The following ARHGEF10L variants were observed in gnomAD, a reference collection of about 807,000 sequenced individuals.
The protein encoded by ARHGEF10L is rho guanine nucleotide exchange factor 10-like protein.
Under a neutral mutation model 141.2 loss-of-function variants are expected in ARHGEF10L, and 69 were observed. That is an observed-to-expected ratio of 0.49 (90% CI 0.40 to 0.60). The LOEUF is 0.60. ARHGEF10L is among the 20% of genes least tolerant of loss of function. The probability of loss-of-function intolerance (pLI) is 0.00; values close to 1 mark genes in which losing one functional copy is unlikely to be tolerated. For synonymous variants in ARHGEF10L, 711 were observed against 718.5 expected, an observed-to-expected ratio of 0.99 and a Z score of 0.17; for missense variants, 1,482 against 1,734.3, an observed-to-expected ratio of 0.85 and a Z score of 2.58.
intron 26 of ARHGEF10L, among the ~76,000 whole-genome samples, chr1:17,676,498 A>G (rs1331462392): frequency 6.6e-6 from 1 of 151,948 alleles, no homozygotes; most frequent in African/African-American, 2.4e-5. Flanking sequence ...CCACCATTCA[A>G]TATCATGCAG....
chr1:17,607,960 G>A lies in ARHGEF10L; in HGVS notation c.592G>A (p.Val198Met). The A allele has an allele frequency of 1.4e-6, 2 of 1,475,142 alleles. No individual in the cohort carries two copies. 91.4% of individuals were successfully genotyped at this position (1,475,142 alleles called of 1,614,324 possible). Residue 198 changes from valine (V) to methionine (M), a missense_variant, in exon 7 of 29, where the codon GTG becomes ATG. Physicochemically the swap from Val to Met is conservative, Grantham distance 21 (BLOSUM62 1). Around this residue, in one of 3 missense-constraint regions of ARHGEF10L, gnomAD observed 392 missense variants for 542.1 expected, o/e 0.72. Transcript: ENST00000361221. This position sits in a 1 kb window ranked among gnomAD's most constrained non-coding sequence, Gnocchi z 4.5. ...EVEVEPAKHR[V>M]SFQPKLSPDL... ...CGAGGTCGAGCCCGCCAAGCACCGA[G>A]TGTCCTTCCAGCCCAAGGTGAGGGG...
intron 26 of ARHGEF10L, among the ~76,000 whole-genome samples, chr1:17,666,833 C>G (rs796803617): frequency 8.1e-6 from 1 of 124,172 alleles, no homozygotes; most frequent in Non-Finnish European, 1.7e-5. Context: ...CCCTGGTTCA[C>G]GCTGGGGGCT....
At chr1:17,590,973 C>A (rs997775885) in intron 4 of ARHGEF10L, among the ~76,000 whole-genome samples, 1 of 152,122 alleles carries the variant, frequency 6.6e-6, no homozygotes, top group African/African-American at 2.4e-5. Context: ...TGTGACAAAG[C>A]GATACTCTGT....
chr1:17,638,091 C>T, intron 19 of ARHGEF10L, 88 bp downstream of exon 19: 2 of 1,212,048 alleles, frequency 1.7e-6, no homozygotes, highest in Non-Finnish European at 2.3e-6. Context: ...AGGGGCTCCT[C>T]TCCTGGCCCA....
In ARHGEF10L at chr1:17,621,939, C is replaced by G. The variant is rs983366607; in HGVS notation, c.1018C>G (p.Gln340Glu). The G allele has an allele frequency of 6.2e-7, 1 of 1,614,156 alleles. No individual in the cohort carries two copies. Among genetic ancestry groups the G allele is most frequent in the South Asian group, 1.1e-5 (1 of 91,082 alleles). Reference protein sequence around the residue: ...SYVESLKRILQDYRNPLMEME... With the variant: ...SYVESLKRILEDYRNPLMEME... ...CGTGGAGTCTCTGAAGCGGATACTC[C>G]AGGTGCGACTTCAGGGAGTTCTCAA... The change falls in exon 11 of 29, where the codon CAG becomes GAG. Residue 340 changes from glutamine (Q) to glutamate (E), a missense_variant and splice_region_variant. Around this residue, in one of 3 missense-constraint regions of ARHGEF10L, gnomAD observed 392 missense variants for 542.1 expected, o/e 0.72. Transcript: ENST00000361221. This position sits in a 1 kb window ranked among gnomAD's most constrained non-coding sequence, Gnocchi z 4.1.
At chr1:17,617,946 C>G (rs911759377) in intron 9 of ARHGEF10L, among the ~76,000 whole-genome samples, 9 of 152,156 alleles carry the variant, frequency 5.9e-5, no homozygotes, top group African/African-American at 2.2e-4. Flanking sequence ...ACTTTTTCCC[C>G]TCTTGGGGCG....
chr1:17,608,828 A>T (rs965009719), intron 7 of ARHGEF10L, among the ~76,000 whole-genome samples: 3 of 152,290 alleles, frequency 2.0e-5, no homozygotes, highest in African/African-American at 7.2e-5. Flanking sequence ...TCTTTCGCCC[A>T]GGCTGGAGTA....
the ARHGEF10L span, among the ~76,000 whole-genome samples, chr1:17,531,784 A>C: frequency 6.6e-6 from 1 of 152,222 alleles, no homozygotes; most frequent in East Asian, 1.9e-4. Flanking sequence ...GTTTATGTGA[A>C]GGACACAGCC....
intron 7 of ARHGEF10L, among the ~76,000 whole-genome samples, chr1:17,612,620 C>T (rs2059606894): frequency 6.6e-6 from 1 of 152,222 alleles, no homozygotes; most frequent in Non-Finnish European, 1.5e-5. Context: ...AACCTCATTC[C>T]ATCTATCCAT....
chr1:17,634,366 A>G (rs2060874112), intron 16 of ARHGEF10L, 182 bp from the exon 17 acceptor site: 2 of 902,460 alleles, frequency 2.2e-6, no homozygotes, highest in East Asian at 4.9e-5. Flanking sequence ...AGACCCAGAG[A>G]TGAAGGAAGG....
chr1:17,527,408 G>A, the ARHGEF10L span, among the ~76,000 whole-genome samples: 2 of 152,186 alleles, frequency 1.3e-5, no homozygotes, highest in Non-Finnish European at 2.9e-5. Flanking sequence ...CCAGGGAATG[G>A]GTTGGGATTG....
chr1:17,533,700 C>G, the ARHGEF10L span, among the ~76,000 whole-genome samples: 10 of 152,240 alleles, frequency 6.6e-5, no homozygotes, highest in East Asian at 9.7e-4. Flanking sequence ...TCCCAGCCCC[C>G]CTCAAAATGC....
intron 21 of ARHGEF10L, among the ~76,000 whole-genome samples, chr1:17,645,795 C>T (rs2061564860): frequency 6.6e-6 from 1 of 152,220 alleles, no homozygotes; most frequent in African/African-American, 2.4e-5. Context: ...CCTGCTTTCC[C>T]CTTTCCTCTG....
rs1193015533 is a variant in ARHGEF10L at position 17,587,728 on chromosome 1, C to G, written c.223+83C>G. On this transcript the variant is annotated intron_variant, in intron 3 of 28. Coordinates refer to ENST00000361221, the MANE Select transcript of ARHGEF10L (RefSeq NM_018125.4). ...CGGAAGCTCCAGGCTCTCAGGGATG[C>G]CTGGTGGCCCCTCCGCTGTCCCCAG... 9 of 1,421,986 alleles carry G rather than the reference C, an allele frequency of 6.3e-6. No individual in the cohort carries two copies. In the East Asian group the frequency reaches 1.7e-4, roughly 26 times the overall value. The allele number at this position is 1,421,986 out of a possible 1,614,324, so 88.1% of individuals were successfully genotyped here.
At chr1:17,681,223 A>T (rs1314947140) in intron 26 of ARHGEF10L, among the ~76,000 whole-genome samples, 2 of 152,316 alleles carry the variant, frequency 1.3e-5, no homozygotes, top group African/African-American at 2.4e-5. Flanking sequence ...ACCCACTTTT[A>T]AAAAAGTCAG....
chr1:17,651,243 G>A (rs1383462144), intron 22 of ARHGEF10L, among the ~76,000 whole-genome samples: 2 of 152,284 alleles, frequency 1.3e-5, no homozygotes, highest in South Asian at 2.1e-4. Context: ...TGGCCCTGGT[G>A]GAGGCCGTCG....
intron 18 of ARHGEF10L, 135 bp from the exon 19 acceptor site, chr1:17,637,753 C>T: frequency 1.5e-6 from 1 of 665,308 alleles, no homozygotes; most frequent in South Asian, 1.9e-5. Context: ...ATCTGCCTGC[C>T]TCGGCCTCCC....
At chr1:17,612,420 A>G (rs184259698) in intron 7 of ARHGEF10L, among the ~76,000 whole-genome samples, 50 of 152,046 alleles carry the variant, frequency 3.3e-4, no homozygotes, top group African/African-American at 1.2e-3. Context: ...AAATTTATCC[A>G]TTTGCTCATC....
the ARHGEF10L span, among the ~76,000 whole-genome samples, chr1:17,516,455 G>T: frequency 6.6e-6 from 1 of 152,142 alleles, no homozygotes; most frequent in Non-Finnish European, 1.5e-5. Flanking sequence ...CAACAGATGG[G>T]GGCTGGTCCA....
Sources: gnomAD v4.1 joint callset for allele counts (sites outside exome capture counted in the v4.1 genomes callset) on GRCh38, gnomAD v4.1.1 for gene constraint, gnomAD v4.1.1 regional missense constraint, Gnocchi (gnomAD v3.1) non-coding constraint, MANE v1.5 for transcripts, NCBI Gene and HGNC (gene_info 2026-07-23, HGNC 2026-07-21) for gene names.